Variants in SPATA16 observed in about 807,000 individuals in gnomAD.
The protein encoded by SPATA16 is spermatogenesis-associated protein 16.
A neutral mutation model predicts 63.3 loss-of-function variants in SPATA16; 36 were observed. The observed-to-expected ratio is 0.57, with a 90% CI of 0.44 to 0.75. The LOEUF is 0.75. SPATA16 is among the 30% of genes least tolerant of loss of function. SPATA16 has a pLI of 0.00. For synonymous variants in SPATA16, 203 were observed against 216.7 expected (o/e 0.94, Z 0.56); for missense variants, 646 against 679.3 (o/e 0.95, Z 0.54).
chr3:172,895,559 C>T lies in SPATA16; in HGVS notation c.1588-5867G>A, dbSNP rs372187856. ...CCATTTTGCTCAGGCTGGTCTTGAACTCCTGGCCTCAAGTTTTCTGCTTGC... is the reference window on the plus strand; with the variant it reads ...CCATTTTGCTCAGGCTGGTCTTGAATTCCTGGCCTCAAGTTTTCTGCTTGC... On this transcript the variant is annotated intron_variant, in intron 10 of 10. Transcript: ENST00000351008. Among the ~76,000 whole-genome samples the T allele has an allele frequency of 6.6e-5, 10 of 152,230 alleles. 1 individual carries two copies. Among genetic ancestry groups the T allele is most frequent in the South Asian group, 2.1e-4 (1 of 4,824 alleles).
chr3:172,925,557 C>A, intron 6 of SPATA16, 65 bp from the exon 7 acceptor site: 2 of 1,602,206 alleles, frequency 1.2e-6, no homozygotes, highest in Middle Eastern at 3.3e-4. Context: ...AGGGTTTTCC[C>A]CCCCAGATTT....
chr3:172,898,524 T>C (rs1229155919), intron 10 of SPATA16, among the ~76,000 whole-genome samples: 1 of 152,020 alleles, frequency 6.6e-6, no homozygotes, highest in Non-Finnish European at 1.5e-5. Flanking sequence ...GATTCTCTTA[T>C]TATCCTTTTA....
At chr3:173,082,592 G>A (rs1736950690) in intron 2 of SPATA16, among the ~76,000 whole-genome samples, 1 of 152,178 alleles carries the variant, frequency 6.6e-6, no homozygotes, top group Non-Finnish European at 1.5e-5. Flanking sequence ...CTGCCTGTGG[G>A]AGCAGGTTTG....
At chr3:172,919,944 C>T (rs1181002299) in intron 8 of SPATA16, among the ~76,000 whole-genome samples, 7 of 152,178 alleles carry the variant, frequency 4.6e-5, no homozygotes, top group African/African-American at 1.4e-4. Context: ...CCACCCACCT[C>T]GGCCTCCCAA....
intron 2 of SPATA16, among the ~76,000 whole-genome samples, chr3:173,108,349 C>T (rs1737668777): frequency 6.6e-6 from 1 of 152,066 alleles, no homozygotes; most frequent in Non-Finnish European, 1.5e-5. Context: ...TGACAATTTA[C>T]ATTTTTATAT....
chr3:173,056,705 CAAAAAAAA>C (rs71162325), intron 2 of SPATA16, among the ~76,000 whole-genome samples: 1 of 73,616 alleles, frequency 1.4e-5, no homozygotes, highest in Non-Finnish European at 2.4e-5. Context: ...ACTCTTGTTT[CAAAAAAAA>C]AAAAAAAAAA....
chr3:172,971,977 A>G (rs1035373987), intron 5 of SPATA16, among the ~76,000 whole-genome samples: 1 of 152,160 alleles, frequency 6.6e-6, no homozygotes, highest in African/African-American at 2.4e-5. Flanking sequence ...GGGGCCCACA[A>G]ACTATGGGCC....
intron 6 of SPATA16, among the ~76,000 whole-genome samples, chr3:172,932,877 T>G (rs751876191): frequency 1.3e-5 from 2 of 152,182 alleles, no homozygotes; most frequent in South Asian, 4.1e-4. Context: ...TTCCCGAGAT[T>G]CCTAATTTTC....
intron 3 of SPATA16, among the ~76,000 whole-genome samples, chr3:173,028,612 C>T (rs1344073282): frequency 6.6e-6 from 1 of 151,834 alleles, no homozygotes; most frequent in Non-Finnish European, 1.5e-5. Flanking sequence ...TAGTTATAAA[C>T]AATCATTTTA....
At chr3:173,106,222 AC>A (rs1737619572) in intron 2 of SPATA16, among the ~76,000 whole-genome samples, 1 of 152,064 alleles carries the variant, frequency 6.6e-6, no homozygotes, top group African/African-American at 2.4e-5. Flanking sequence ...GCCCCTGACA[AC>A]CTGCCAGCTT....
intron 2 of SPATA16, 24 bp from the exon 3 acceptor site, chr3:173,049,118 A>G: frequency 1.3e-6 from 2 of 1,589,028 alleles, no homozygotes; most frequent in Non-Finnish European, 1.7e-6. Flanking sequence ...AGTACTTTCA[A>G]CATCTTAATA....
intron 2 of SPATA16, among the ~76,000 whole-genome samples, chr3:173,094,361 G>A (rs978587022): frequency 6.6e-6 from 1 of 152,110 alleles, no homozygotes; most frequent in African/African-American, 2.4e-5. Context: ...TACTGTTTAT[G>A]TAATGCTTTA....
At chr3:172,943,018 A>G (rs918089336) in intron 6 of SPATA16, among the ~76,000 whole-genome samples, 4 of 152,214 alleles carry the variant, frequency 2.6e-5, no homozygotes, top group Non-Finnish European at 5.9e-5. Flanking sequence ...TTTTTAGGGC[A>G]CAACAAAAAT....
intron 10 of SPATA16, among the ~76,000 whole-genome samples, chr3:172,905,273 A>G (rs1378228704): frequency 6.6e-6 from 1 of 152,166 alleles, no homozygotes; most frequent in Admixed American, 6.5e-5. Flanking sequence ...GAAAAGGCTG[A>G]CTGCTGGAAA....
chr3:173,022,520 G>T (rs915150782), intron 3 of SPATA16, among the ~76,000 whole-genome samples: 9 of 152,176 alleles, frequency 5.9e-5, no homozygotes, highest in Admixed American at 2.0e-4. Flanking sequence ...GCAAGGAAAT[G>T]CTAGTGGCAG....
At position 172,924,226 on chromosome 3, in the gene SPATA16, A is replaced by G. The variant is rs772267185; in HGVS notation, c.1320T>C (p.Ile440=). 1.2e-6 allele frequency: 2 copies of G among 1,612,944 alleles called. No individual in the cohort carries two copies. Among genetic ancestry groups the G allele is most frequent in the Non-Finnish European group, 8.5e-7 (1 of 1,179,252 alleles). ...TACCTACATTCAATTGGGTGCTTCT[A>G]ATAAAATCCAATATTGGCAAGATTC... The part of the protein sequence containing the change: ...GKRILPILDF[I]RSTQLNGSFP... Residue 440 remains isoleucine, a synonymous_variant, in exon 8 of 11, where the codon ATT becomes ATC. Coordinates refer to ENST00000351008, the MANE Select transcript of SPATA16 (RefSeq NM_031955.6).
At chr3:172,925,855 T>C (rs2109579407) in intron 6 of SPATA16, among the ~76,000 whole-genome samples, 1 of 152,218 alleles carries the variant, frequency 6.6e-6, no homozygotes, top group South Asian at 2.1e-4. Context: ...GATGGAGTCT[T>C]GCTCTTGTCG....
At chr3:173,026,185 T>G (rs1735450451) in intron 3 of SPATA16, among the ~76,000 whole-genome samples, 1 of 152,012 alleles carries the variant, frequency 6.6e-6, no homozygotes, top group South Asian at 2.1e-4. Flanking sequence ...CCCTAGTAAC[T>G]AAAGATGTTG....
chr3:172,925,580 T>C (rs763512486), intron 6 of SPATA16, 88 bp from the exon 7 acceptor site: 15 of 1,516,984 alleles, frequency 9.9e-6, no homozygotes, highest in Non-Finnish European at 1.4e-5. Context: ...GGAATTGTAC[T>C]TGGAAAAAAT....
Sources: gnomAD v4.1 joint callset for allele counts (sites outside exome capture counted in the v4.1 genomes callset) on GRCh38, gnomAD v4.1.1 for gene constraint, MANE v1.5 for transcripts, NCBI Gene and HGNC (gene_info 2026-07-23, HGNC 2026-07-21) for gene names.